Variants in SRPK2 observed in about 807,000 individuals in gnomAD.
SRPK2 encodes the protein SFRS protein kinase 2.
In SRPK2, 21 loss-of-function variants were observed where a neutral mutation model predicts 90.8. That is an observed-to-expected ratio of 0.23 (90% CI 0.16 to 0.33). The LOEUF (loss-of-function observed/expected upper bound fraction) is 0.33. SRPK2 is among the 10% of genes least tolerant of loss of function. The pLI, the probability that SRPK2 is intolerant of heterozygous loss-of-function variation, is 1.00. For missense variants in SRPK2, 620 were observed against 869.0 expected, an observed-to-expected ratio of 0.71 and a Z score of 3.60; for synonymous variants, 288 against 311.1, an observed-to-expected ratio of 0.93 and a Z score of 0.78.
intron 3 of SRPK2, among the ~76,000 whole-genome samples, chr7:105,199,530 G>A (rs1795296319): frequency 6.6e-6 from 1 of 152,196 alleles, no homozygotes; most frequent in Non-Finnish European, 1.5e-5. Flanking sequence ...GTCAGAGCAT[G>A]AGTTAGGTGA....
chr7:105,354,787 T>G (rs747428584), intron 2 of SRPK2, among the ~76,000 whole-genome samples: 1 of 152,156 alleles, frequency 6.6e-6, no homozygotes, highest in African/African-American at 2.4e-5. Context: ...GTGCACAACT[T>G]AATGACTTCA....
At chr7:105,381,856 G>T (rs767898389) in intron 2 of SRPK2, among the ~76,000 whole-genome samples, 1 of 152,096 alleles carries the variant, frequency 6.6e-6, no homozygotes, top group Non-Finnish European at 1.5e-5. Flanking sequence ...ATATAAACTT[G>T]TATCATTACA....
chr7:105,166,087 A>G (rs1790021426), intron 6 of SRPK2, among the ~76,000 whole-genome samples: 1 of 152,216 alleles, frequency 6.6e-6, no homozygotes, highest in Admixed American at 6.5e-5. Context: ...CTTTTAAAAA[A>G]CATGAGAAAC....
At chr7:105,305,285 C>A (rs1197212492) in intron 2 of SRPK2, among the ~76,000 whole-genome samples, 3 of 152,068 alleles carry the variant, frequency 2.0e-5, no homozygotes, top group Non-Finnish European at 4.4e-5. Context: ...ACTAAAAACA[C>A]AAAATTAGCC....
chr7:105,332,782 A>G (rs762839045), intron 2 of SRPK2: 2 of 151,754 alleles, frequency 1.3e-5, no homozygotes, highest in African/African-American at 2.4e-5. Context: ...AAAAACAACA[A>G]AAAGCAAGTG....
intron 2 of SRPK2, among the ~76,000 whole-genome samples, chr7:105,236,953 A>T (rs906107498): frequency 1.3e-5 from 2 of 152,266 alleles, no homozygotes; most frequent in African/African-American, 4.8e-5. Flanking sequence ...GTGACATAAC[A>T]TCTCCAAAGC....
chr7:105,132,667 C>CGGTGGATGAGGTGTATGACCTGACTGTA, intron 13 of SRPK2, 124 bp downstream of exon 13: 1 of 725,546 alleles, frequency 1.4e-6, no homozygotes, highest in Non-Finnish European at 2.2e-6. Flanking sequence ...TCACCCAGCC[C>CGGTGGATGAGGTGTATGACCTGACTGTA]ACGGTGGATG....
At chr7:105,308,158 T>A (rs561625102) in intron 2 of SRPK2, among the ~76,000 whole-genome samples, 1 of 152,208 alleles carries the variant, frequency 6.6e-6, no homozygotes, top group Non-Finnish European at 1.5e-5. Context: ...ACAGTTTACA[T>A]TGTTTTCATG....
intron 2 of SRPK2, among the ~76,000 whole-genome samples, chr7:105,341,233 G>A (rs571785224): frequency 1.1e-4 from 16 of 151,998 alleles, no homozygotes; most frequent in African/African-American, 3.1e-4. Context: ...GCGTGATGGC[G>A]CAGGCCTATA....
chr7:105,278,484 GC>G (rs1806814262), intron 2 of SRPK2, among the ~76,000 whole-genome samples: 1 of 148,886 alleles, frequency 6.7e-6, no homozygotes, highest in African/African-American at 2.5e-5. Context: ...GACCAGCCTG[GC>G]CAACACGGTG....
chr7:105,319,414 T>A (rs1400846658), intron 2 of SRPK2, among the ~76,000 whole-genome samples: 2 of 150,092 alleles, frequency 1.3e-5, no homozygotes, highest in Non-Finnish European at 2.9e-5. Flanking sequence ...CCTTCTACAT[T>A]CTTGAAAGCT....
chr7:105,388,914 C>T lies in SRPK2; in HGVS notation c.-108G>A. On this transcript the variant is annotated 5_prime_UTR_variant, in exon 1 of 16. Transcript: ENST00000393651. ...TCCGCCGGCCGGGAGGAGACGAGAA[C>T]CGCGCCTGCGCCGCCGCCGCCGCCG... The T allele has an allele frequency of 1.5e-5, 18 of 1,219,568 alleles. No homozygotes were observed. Among genetic ancestry groups the T allele is most frequent in the Non-Finnish European group, 1.8e-5 (18 of 982,762 alleles). The allele number at this position is 1,219,568 out of a possible 1,614,324, so 75.5% of individuals were successfully genotyped here.
intron 3 of SRPK2, among the ~76,000 whole-genome samples, chr7:105,198,872 A>G (rs1377990959): frequency 6.6e-6 from 1 of 152,208 alleles, no homozygotes; most frequent in Admixed American, 6.5e-5. Context: ...GCTACAAAGC[A>G]ACACAGCCAG....
intron 11 of SRPK2, among the ~76,000 whole-genome samples, chr7:105,134,987 A>G (rs960865270): frequency 6.6e-6 from 1 of 152,232 alleles, no homozygotes; most frequent in African/African-American, 2.4e-5. Flanking sequence ...AGAAAGCAGC[A>G]CAAAGACCAA....
In SRPK2 at chr7:105,133,121, G is replaced by A. The variant is rs369387331; in HGVS notation, c.1544-17C>T. On this transcript the variant is annotated splice_polypyrimidine_tract_variant and intron_variant, in intron 11 of 15. Coordinates refer to ENST00000393651, the MANE Select transcript of SRPK2 (RefSeq NM_182692.3). ...GGGTTTTTGCTGGCATGAGCAAACA[G>A]CAGGACAGTTAGTGATCGGGATAGG... The A allele has an allele frequency of 8.1e-6, 13 of 1,611,808 alleles. No individual in the cohort carries two copies. The highest frequency in any genetic ancestry group is 1.3e-5 in the African/African-American group (1 of 74,880).
chr7:105,272,044 T>C (rs1169231170), intron 2 of SRPK2, among the ~76,000 whole-genome samples: 1 of 152,218 alleles, frequency 6.6e-6, no homozygotes, highest in East Asian at 1.9e-4. Flanking sequence ...GTTACATTAA[T>C]TGATATAGAG....
chr7:105,266,132 C>T (rs990658135), intron 2 of SRPK2, among the ~76,000 whole-genome samples: 1 of 152,032 alleles, frequency 6.6e-6, no homozygotes, highest in African/African-American at 2.4e-5. Flanking sequence ...ATTAGGATAA[C>T]GTATTTCCCA....
In SRPK2 at chr7:105,303,436, C is replaced by A. The variant is rs142044281; in HGVS notation, c.71+85212G>T. Among the ~76,000 whole-genome samples, 205 of 151,696 alleles carry A rather than the reference C, an allele frequency of 1.4e-3. 2 individuals are homozygous for A. The highest frequency in any genetic ancestry group is 3.7e-3 in the African/African-American group (153 of 41,288). On this transcript the variant is annotated intron_variant, in intron 2 of 15. Coordinates refer to ENST00000393651, the MANE Select transcript of SRPK2 (RefSeq NM_182692.3). ...ATGTAACAAACCTGCACGTTGTGCA[C>A]ATGTACCCTAGAACTTAAAGTATAA...
Position 105,159,312 on chromosome 7 carries a change from C to G in SRPK2, c.621+1195G>C, listed in dbSNP as rs143038333. ...ACCACCCTGGGCAACACGGTGAAAC[C>G]CTGTCTCTACTAAAAATACAAAAAT... On this transcript the variant is annotated intron_variant, in intron 7 of 15. Transcript: ENST00000393651. Among the ~76,000 whole-genome samples, 466 of 151,816 alleles carry G rather than the reference C, an allele frequency of 3.1e-3. 14 individuals carry two copies. The East Asian group carries it at 0.062, about 20-fold the overall frequency.
Sources: gnomAD v4.1 joint callset for allele counts (sites outside exome capture counted in the v4.1 genomes callset) on GRCh38, gnomAD v4.1.1 for gene constraint, MANE v1.5 for transcripts, NCBI Gene and HGNC (gene_info 2026-07-23, HGNC 2026-07-21) for gene names.